TARS3: variants seen among roughly 807,000 people sequenced by gnomAD.
TARS3 encodes threonine--tRNA ligase 2, cytoplasmic.
A neutral mutation model predicts 103.5 loss-of-function variants in TARS3; 94 were observed. That is an observed-to-expected ratio of 0.91 (90% CI 0.77 to 1.08). The LOEUF is 1.08. Among genes scored for constraint, TARS3 ranks in the 50% least tolerant of loss-of-function variants. The pLI is 0.00. For missense variants in TARS3, 952 were observed against 995.2 expected, an observed-to-expected ratio of 0.96 and a Z score of 0.58; for synonymous variants, 416 against 355.4, an observed-to-expected ratio of 1.17 and a Z score of -1.92.
chr15:101,662,633 A>C (rs932136065), intron 15 of TARS3, among the ~76,000 whole-genome samples: 1 of 152,226 alleles, frequency 6.6e-6, no homozygotes, highest in Non-Finnish European at 1.5e-5. Context: ...TGGACCCTAC[A>C]GGAAGCTTTG....
chr15:101,704,514 G>A (rs1899446454), intron 7 of TARS3, among the ~76,000 whole-genome samples: 1 of 151,920 alleles, frequency 6.6e-6, no homozygotes, highest in African/African-American at 2.4e-5. Context: ...AATTAGCTGG[G>A]CGTGGTGGTG....
chr15:101,721,163 A>T lies in TARS3; in HGVS notation c.529T>A (p.Trp177Arg), dbSNP rs1900437691. Residue 177 changes from tryptophan (W) to arginine (R), a missense_variant, in exon 3 of 19, where the codon TGG becomes AGG. Physicochemically the swap from Trp to Arg is moderately radical, Grantham distance 101. This residue lies in a region of TARS3 where 412 missense variants were observed against 364.2 expected (regional missense o/e 1.13). Coordinates refer to ENST00000335968, the MANE Select transcript of TARS3 (RefSeq NM_152334.3). ...GCCACTTGGTAAGGCGTTGTTTTCC[A>T]GACTTCCCCTTGCACTGTTTGCCCA... ...ADGQTVQGEV[W>R]KTTPYQVAAE... The T allele has an allele frequency of 1.2e-6, 2 of 1,604,606 alleles. No homozygotes were observed.
intron 17 of TARS3, among the ~76,000 whole-genome samples, chr15:101,657,442 T>G (rs901754235): frequency 6.6e-5 from 10 of 152,244 alleles, no homozygotes; most frequent in African/African-American, 2.4e-4. Flanking sequence ...AGACCCTGAC[T>G]CGTAGGAACT....
rs1242707777 is a variant in TARS3 at position 101,716,142 on chromosome 15, G to A, written c.567-1179C>T. 1.3e-5 allele frequency among the ~76,000 whole-genome samples: 2 copies of A among 151,958 alleles called. 1 individual carries two copies. The highest frequency in any genetic ancestry group is 6.8e-3 in the Middle Eastern group (2 of 294). ...AGCGATTCTCCTGCCTCGGCCTCCC[G>A]AGTAGCTGGGAATACAGGCGCAGGC... On this transcript the variant is annotated intron_variant, in intron 3 of 18. Coordinates refer to ENST00000335968, the MANE Select transcript of TARS3 (RefSeq NM_152334.3).
Position 101,723,235 on chromosome 15 carries a change from G to C in TARS3, c.298-71C>G. On this transcript the variant is annotated intron_variant, in intron 1 of 18. Coordinates refer to ENST00000335968, the MANE Select transcript of TARS3 (RefSeq NM_152334.3). ...CAACACATTTTAAGAAGAGAGTCAT[G>C]CCAGCAGGCTGCAAGTGCCCCGTGT... 3 of 1,424,616 alleles carry C rather than the reference G, an allele frequency of 2.1e-6. No homozygotes were observed. The South Asian group carries it at 3.5e-5, about 16-fold the overall frequency. 88.2% of individuals were successfully genotyped at this position (1,424,616 alleles called of 1,614,324 possible). A position where few individuals can be genotyped will look rare whatever the true frequency, so the allele number is the denominator to read the frequency against.
In TARS3 at chr15:101,684,159, A is replaced by G; in HGVS notation, c.1566T>C (p.Asn522=). 2 of 1,614,084 alleles carry G rather than the reference A, an allele frequency of 1.2e-6. No individual in the cohort carries two copies. The highest frequency in any genetic ancestry group is 1.7e-6 in the Non-Finnish European group (2 of 1,179,968). The change falls in exon 12 of 19, where the codon AAT becomes AAC. Residue 522 remains asparagine, a synonymous_variant. Transcript: ENST00000335968. ...RFADFGVLHR[N]ELSGTLSGLT... Reference sequence around the variant, plus strand: ...AGCCGCTGAGAGTCCCCGACAGTTCATTTCTATGCAGAACTCCAAAATCAG... The same window carrying G: ...AGCCGCTGAGAGTCCCCGACAGTTCGTTTCTATGCAGAACTCCAAAATCAG...
rs757775282 is a variant in TARS3, at chr15:101,721,174, T to C, written c.518A>G (p.Gln173Arg). Residue 173 changes from glutamine to arginine, a missense_variant, in exon 3 of 19, where the codon CAA becomes CGA. Physicochemically the swap from Gln to Arg is conservative, Grantham distance 43. Transcript: ENST00000335968. ...AGGCGTTGTTTTCCAGACTTCCCCT[T>C]GCACTGTTTGCCCATCAGCCACTCT... ...TVRVADGQTV[Q>R]GEVWKTTPYQ... 17 of 1,612,898 alleles carry C rather than the reference T, an allele frequency of 1.1e-5. No individual in the cohort carries two copies. Among genetic ancestry groups the C allele is most frequent in the Non-Finnish European group, 1.4e-5 (17 of 1,179,060 alleles).
intron 8 of TARS3, among the ~76,000 whole-genome samples, chr15:101,703,637 T>C (rs1389482359): frequency 6.6e-6 from 1 of 152,134 alleles, no homozygotes; most frequent in East Asian, 1.9e-4. Context: ...AGAAATGTTA[T>C]AACACTTACA....
chr15:101,656,742 A>T (rs1325891018), intron 18 of TARS3, among the ~76,000 whole-genome samples, 180 bp downstream of exon 18: 1 of 152,244 alleles, frequency 6.6e-6, no homozygotes, highest in Non-Finnish European at 1.5e-5. Context: ...TTCTTCCAGC[A>T]AACAACAAAG....
intron 10 of TARS3, among the ~76,000 whole-genome samples, chr15:101,694,026 T>G (rs933728943): frequency 2.0e-5 from 3 of 151,998 alleles, no homozygotes; most frequent in African/African-American, 7.3e-5. Context: ...ATTAAAAAAG[T>G]TAATTTAAAA....
chr15:101,709,347 G>GCCT (rs1899740388), intron 5 of TARS3, among the ~76,000 whole-genome samples: 1 of 152,170 alleles, frequency 6.6e-6, no homozygotes, highest in Non-Finnish European at 1.5e-5. Flanking sequence ...GCAGCACTCA[G>GCCT]CCTCCGCTAT....
chr15:101,710,619 T>C lies in TARS3; in HGVS notation c.812+1261A>G, dbSNP rs150740977. Among the ~76,000 whole-genome samples the C allele has an allele frequency of 3.4e-3, 517 of 152,316 alleles. 2 individuals carry two copies. The highest frequency in any genetic ancestry group is 0.012 in the African/African-American group (504 of 41,574). On this transcript the variant is annotated intron_variant, in intron 5 of 18. Coordinates refer to ENST00000335968, the MANE Select transcript of TARS3 (RefSeq NM_152334.3). ...AAAACCCACACCTTTGAGATAAGAA[T>C]TGTTGTAGGTAAACACAGTTTCATG...
In TARS3 at chr15:101,661,803, C is replaced by A; in HGVS notation, c.1981G>T (p.Asp661Tyr). 6.3e-7 allele frequency: 1 copy of A among 1,589,910 alleles called. No individual in the cohort carries two copies. Among genetic ancestry groups the A allele is most frequent in the Non-Finnish European group, 8.6e-7 (1 of 1,168,786 alleles). The change falls in exon 16 of 19, where the codon GAT becomes TAT. Residue 661 changes from aspartate to tyrosine, a missense_variant. By Grantham distance (160) the Asp-to-Tyr change is radical. Coordinates refer to ENST00000335968, the MANE Select transcript of TARS3 (RefSeq NM_152334.3). ...TGAATGATCACAGGTCTCTTCTTAT[C>A]ATCCCCATCCTTACTAAAAAATGAA... ...NLTYVSKDGD[D>Y]KKRPVIIHRA...
At position 101,654,677 on chromosome 15, in the gene TARS3, T is replaced by C. The variant is rs1897132249; in HGVS notation, c.2314A>G (p.Asn772Asp). Residue 772 changes from asparagine to aspartate, a missense_variant, in exon 19 of 19, where the codon AAC becomes GAC. By Grantham distance (23) the Asn-to-Asp change is conservative. Coordinates refer to ENST00000335968, the MANE Select transcript of TARS3 (RefSeq NM_152334.3). Reference sequence around the variant, plus strand: ...ACTAAAATCTCTCCATGAATTTTGTTGTCTCTTGTTCGCACGTTTACAGCA... The same window carrying C: ...ACTAAAATCTCTCCATGAATTTTGTCGTCTCTTGTTCGCACGTTTACAGCA... The part of the protein sequence containing the change: ...DNAVNVRTRD[N>D]KIHGEILVTS... 1 of 1,614,148 alleles carries C rather than the reference T, an allele frequency of 6.2e-7. No individual in the cohort carries two copies. The highest frequency in any genetic ancestry group is 1.3e-5 in the African/African-American group (1 of 75,060).
intron 10 of TARS3, among the ~76,000 whole-genome samples, chr15:101,692,200 C>T (rs1490698228): frequency 6.6e-6 from 1 of 152,218 alleles, no homozygotes; most frequent in Non-Finnish European, 1.5e-5. Flanking sequence ...GTTCTCCCTG[C>T]TGTGGGTTTA....
At position 101,686,006 on chromosome 15, in the gene TARS3, A is replaced by G. The variant is rs973608777; in HGVS notation, c.1377T>C (p.Ser459=). 1 of 1,613,820 alleles carries G rather than the reference A, an allele frequency of 6.2e-7. No individual in the cohort carries two copies. ...TEVLSPNMYN[S]KLWEASGHWQ... ...AGTGGCCTGAGGCTTCCCAGAGTTT[A>G]CTGTTGTACATATTGGGAGAGAGCA... The change falls in exon 11 of 19, where the codon AGT becomes AGC. Residue 459 remains serine, a synonymous_variant. Transcript: ENST00000335968.
chr15:101,723,162 AG>A lies in TARS3; in HGVS notation c.299del (p.Pro100LeufsTer11). Reference protein sequence around the residue: ...LEAAQEAGAQPPPSQSQDKDM... With the variant: ...LEAAQEAGAQXPPSQSQDKDM... ...CCTTGTCTTGGCTTTGACTAGGAGG[AG>A]GCTGAAAGATAAATTATAAATGACT... is the stretch of plus-strand genomic sequence containing the variant. On this transcript the variant is annotated frameshift_variant and splice_region_variant, in exon 2 of 19. Transcript: ENST00000335968. LOFTEE classifies it high-confidence loss of function. 6.2e-7 allele frequency: 1 copy of A among 1,613,386 alleles called. No homozygotes were observed. Among genetic ancestry groups the A allele is most frequent in the Non-Finnish European group, 8.5e-7 (1 of 1,179,548 alleles).
At chr15:101,724,033 C>A (rs1900632550) in intron 1 of TARS3, 58 bp downstream of exon 1, 5 of 1,313,258 alleles carry the variant, frequency 3.8e-6, no homozygotes, top group Non-Finnish European at 3.9e-6. Context: ...CCTTTCGGTG[C>A]GCACCGTCTC....
intron 12 of TARS3, among the ~76,000 whole-genome samples, chr15:101,678,418 CCTGT>C (rs1013751573): frequency 4.6e-5 from 7 of 151,912 alleles, no homozygotes; most frequent in Non-Finnish European, 1.0e-4. Context: ...TTTTATTTTT[CCTGT>C]CTTCCTATGG....
Sources: allele counts gnomAD v4.1 joint callset (sites outside exome capture counted in the v4.1 genomes callset), GRCh38; gene constraint gnomAD v4.1.1; regional missense constraint gnomAD v4.1.1; transcripts MANE v1.5; gene names NCBI Gene and HGNC (gene_info 2026-07-23, HGNC 2026-07-21).